OR9Q1: variants seen among roughly 807,000 people sequenced by gnomAD.
OR9Q1 encodes the protein olfactory receptor 9Q1.
For synonymous variants in OR9Q1, 153 were observed against 148.6 expected (o/e 1.03, Z -0.22); for missense variants, 374 against 378.8 (o/e 0.99, Z 0.11).
intron 2 of OR9Q1, among the ~76,000 whole-genome samples, chr11:58,061,396 T>C (rs901733294): frequency 3.9e-5 from 6 of 152,346 alleles, no homozygotes; most frequent in Middle Eastern, 3.4e-3. Context: ...TACCAGGCCC[T>C]GGTTATTCCA....
intron 1 of OR9Q1, chr11:58,047,256 C>T (rs1329712625): frequency 1.3e-5 from 2 of 152,196 alleles, no homozygotes; most frequent in African/African-American, 2.4e-5. Flanking sequence ...GACAAATACT[C>T]CTGGAGCTTG....
At chr11:58,109,805 C>T (rs745320842) in intron 2 of OR9Q1, 2 of 347,354 alleles carry the variant, frequency 5.8e-6, no homozygotes, top group Non-Finnish European at 1.1e-5. Context: ...CATCTTGAGT[C>T]CACAACTGGC....
At chr11:58,134,625 T>G (rs1244179462) in intron 2 of OR9Q1, among the ~76,000 whole-genome samples, 1 of 152,180 alleles carries the variant, frequency 6.6e-6, no homozygotes, top group Non-Finnish European at 1.5e-5. Context: ...GAGCAGACTT[T>G]ATATGCCCTT....
chr11:58,096,765 G>A (rs977836189), intron 2 of OR9Q1, among the ~76,000 whole-genome samples: 11 of 149,288 alleles, frequency 7.4e-5, no homozygotes, highest in South Asian at 4.2e-4. Context: ...GTGCAGTGGC[G>A]CAATCTCGGC....
chr11:58,147,547 C>T (rs1854310397), intron 2 of OR9Q1, among the ~76,000 whole-genome samples: 1 of 152,176 alleles, frequency 6.6e-6, no homozygotes, highest in African/African-American at 2.4e-5. Flanking sequence ...CCTCATACCC[C>T]TCCCAGTTTC....
intron 2 of OR9Q1, among the ~76,000 whole-genome samples, chr11:58,177,407 T>C (rs2513716): frequency 0.69 from 105,258 of 151,998 alleles, 36,691 homozygotes; most frequent in East Asian, 0.87. Context: ...CTTTCTTTCT[T>C]GGTTTCTTTA....
intron 2 of OR9Q1, among the ~76,000 whole-genome samples, chr11:58,104,656 ACTTTT>A (rs1853822934): frequency 6.6e-6 from 1 of 152,168 alleles, no homozygotes; most frequent in Admixed American, 6.6e-5. Flanking sequence ...CCAATGCAAC[ACTTTT>A]CTTTTATCTT....
At chr11:58,121,643 C>A (rs1321362931) in intron 2 of OR9Q1, among the ~76,000 whole-genome samples, 37 of 152,198 alleles carry the variant, frequency 2.4e-4, no homozygotes, top group Non-Finnish European at 2.9e-5. Context: ...AGGTTGGAAT[C>A]TGCCAATTCA....
chr11:58,050,443 C>T (rs1458479214), intron 1 of OR9Q1, among the ~76,000 whole-genome samples: 5 of 128,536 alleles, frequency 3.9e-5, no homozygotes, highest in Non-Finnish European at 6.6e-5. Flanking sequence ...ATACAAAAAT[C>T]AATTCAAGAT....
Position 58,124,217 on chromosome 11 carries a change from C to A in OR9Q1, c.-14-55214C>A, listed in dbSNP as rs540126505. Reference sequence around the variant, plus strand: ...AGAGAGAAACAACCAACTCCCCGAACCCAGGACAGTTTATGAAAGGGAAAG... The same window carrying A: ...AGAGAGAAACAACCAACTCCCCGAAACCAGGACAGTTTATGAAAGGGAAAG... On this transcript the variant is annotated intron_variant, in intron 2 of 2. Transcript: ENST00000335397. Among the ~76,000 whole-genome samples the A allele has an allele frequency of 2.4e-4, 36 of 152,208 alleles. 1 individual carries two copies. Among genetic ancestry groups the A allele is most frequent in the South Asian group, 1.9e-3 (9 of 4,814 alleles).
intron 2 of OR9Q1, among the ~76,000 whole-genome samples, chr11:58,063,738 GCAGT>G (rs1326622169): frequency 1.3e-5 from 2 of 152,164 alleles, no homozygotes; most frequent in African/African-American, 4.8e-5. Flanking sequence ...TCACAATCAG[GCAGT>G]CAGGTACCGT....
chr11:58,058,859 A>G (rs944032573), intron 2 of OR9Q1, among the ~76,000 whole-genome samples: 16 of 152,238 alleles, frequency 1.1e-4, no homozygotes, highest in African/African-American at 3.6e-4. Context: ...CTTGGCCAGG[A>G]CTCAAGGCTG....
intron 2 of OR9Q1, among the ~76,000 whole-genome samples, chr11:58,102,100 A>G (rs532728879): frequency 6.6e-6 from 1 of 152,176 alleles, no homozygotes; most frequent in Admixed American, 6.6e-5. Context: ...TGATCCATAG[A>G]CTATAGTTAG....
chr11:58,111,666 A>G (rs763772715), intron 2 of OR9Q1, among the ~76,000 whole-genome samples: 1 of 152,150 alleles, frequency 6.6e-6, no homozygotes, highest in East Asian at 1.9e-4. Flanking sequence ...GGGACCATAC[A>G]TGACACAAAA....
chr11:58,040,438 C>T (rs1450823038), intron 1 of OR9Q1, among the ~76,000 whole-genome samples: 2 of 152,202 alleles, frequency 1.3e-5, no homozygotes, highest in African/African-American at 4.8e-5. Context: ...CACTCAACCA[C>T]TCTACCTGTC....
intron 1 of OR9Q1, among the ~76,000 whole-genome samples, chr11:58,028,356 C>G (rs1565052664): frequency 1.3e-5 from 2 of 152,246 alleles, no homozygotes; most frequent in Middle Eastern, 6.8e-3. Flanking sequence ...GAAGACAGGA[C>G]TATCAAACCT....
At chr11:58,054,451 TTACCAA>T (rs111835891) in intron 1 of OR9Q1, among the ~76,000 whole-genome samples, 1 of 152,210 alleles carries the variant, frequency 6.6e-6, no homozygotes, top group African/African-American at 2.4e-5. Context: ...AGTGCCATTT[TTACCAA>T]TACCAATACC....
At chr11:58,151,101 C>G (rs1854346904) in intron 2 of OR9Q1, among the ~76,000 whole-genome samples, 1 of 152,154 alleles carries the variant, frequency 6.6e-6, no homozygotes, top group African/African-American at 2.4e-5. Context: ...ATGCCACATG[C>G]AAGTTAAGGA....
intron 1 of OR9Q1, among the ~76,000 whole-genome samples, chr11:58,028,197 A>G (rs1286584022): frequency 1.3e-5 from 2 of 152,016 alleles, no homozygotes; most frequent in South Asian, 2.1e-4. Context: ...TGTTGGGGGT[A>G]CCTGCTTTGT....
Sources: gnomAD v4.1 joint callset for allele counts (sites outside exome capture counted in the v4.1 genomes callset) on GRCh38, gnomAD v4.1.1 for gene constraint, MANE v1.5 for transcripts, NCBI Gene and HGNC (gene_info 2026-07-23, HGNC 2026-07-21) for gene names.